Variants in CALCR observed in about 807,000 individuals in gnomAD.
CALCR encodes calcitonin receptor.
In CALCR, 47 loss-of-function variants were observed where a neutral mutation model predicts 59.5. That is an observed-to-expected ratio of 0.79 (90% CI 0.63 to 1.01). The LOEUF (loss-of-function observed/expected upper bound fraction) is 1.01, where lower values mean the gene tolerates loss of function less well. CALCR is among the 50% of genes least tolerant of loss of function. CALCR has a pLI of 0.00. For synonymous variants in CALCR, 213 were observed against 211.3 expected, an observed-to-expected ratio of 1.01 and a Z score of -0.07; for missense variants, 566 against 597.1, an observed-to-expected ratio of 0.95 and a Z score of 0.54.
chr7:93,527,454 C>T (rs946674311), intron 2 of CALCR, among the ~76,000 whole-genome samples: 2 of 151,934 alleles, frequency 1.3e-5, no homozygotes, highest in Admixed American at 6.6e-5. Context: ...TAATTACTTC[C>T]GTACTATAAT....
rs148707949 is a variant in CALCR, at chr7:93,436,139, C to T, written c.962G>A (p.Arg321Gln). ...VNFFFLLNIV[R>Q]VLVTKMRETH... Reference sequence around the variant, plus strand: ...TTCCCTCATTTTGGTCACAAGCACCCGGACAATGTTGAGCAAAAAGAAGAA... The same window carrying T: ...TTCCCTCATTTTGGTCACAAGCACCTGGACAATGTTGAGCAAAAAGAAGAA... The change falls in exon 12 of 14, where the codon CGG becomes CAG. Residue 321 changes from arginine to glutamine, a missense_variant. Transcript: ENST00000426151. 2.5e-4 allele frequency: 408 copies of T among 1,613,920 alleles called. No homozygotes were observed. Among genetic ancestry groups the T allele is most frequent in the Non-Finnish European group, 3.2e-4 (374 of 1,179,954 alleles).
intron 13 of CALCR, 80 bp downstream of exon 13, chr7:93,434,173 G>T: frequency 1.0e-6 from 1 of 972,654 alleles, no homozygotes; most frequent in Non-Finnish European, 1.7e-6. Context: ...GAGATGAAAT[G>T]AAATTTGTAC....
At chr7:93,563,037 T>C (rs1018341906) in intron 2 of CALCR, among the ~76,000 whole-genome samples, 1 of 152,080 alleles carries the variant, frequency 6.6e-6, no homozygotes, top group Non-Finnish European at 1.5e-5. Context: ...TAAATAAAAG[T>C]CACTTGCAAA....
At chr7:93,572,448 C>T (rs1056477678) in intron 2 of CALCR, among the ~76,000 whole-genome samples, 3 of 152,004 alleles carry the variant, frequency 2.0e-5, no homozygotes, top group Non-Finnish European at 2.9e-5. Context: ...GCTGAGCATC[C>T]GTATTTTTTG....
intron 2 of CALCR, among the ~76,000 whole-genome samples, chr7:93,540,439 G>A (rs918109653): frequency 6.6e-6 from 1 of 151,982 alleles, no homozygotes; most frequent in Non-Finnish European, 1.5e-5. Context: ...CCAATAAAAT[G>A]TTTACATTTA....
chr7:93,463,021 G>T (rs1170438789), intron 7 of CALCR, among the ~76,000 whole-genome samples: 1 of 151,716 alleles, frequency 6.6e-6, no homozygotes, highest in East Asian at 1.9e-4. Flanking sequence ...ATTTAAAAAT[G>T]TATTTAAGAA....
chr7:93,460,312 T>C (rs1278893136), intron 8 of CALCR, among the ~76,000 whole-genome samples: 1 of 151,858 alleles, frequency 6.6e-6, no homozygotes, highest in African/African-American at 2.4e-5. Context: ...TCCCAGCATT[T>C]TGGGAGGCCG....
chr7:93,558,619 G>A (rs1484575700), intron 2 of CALCR, among the ~76,000 whole-genome samples: 5 of 151,622 alleles, frequency 3.3e-5, no homozygotes, highest in Admixed American at 6.6e-5. Flanking sequence ...TCATTTAACT[G>A]GAATAAAAAA....
At chr7:93,500,371 G>C (rs1214409887) in intron 2 of CALCR, among the ~76,000 whole-genome samples, 2 of 151,842 alleles carry the variant, frequency 1.3e-5, no homozygotes, top group Admixed American at 1.3e-4. Flanking sequence ...AAAGTGCTTA[G>C]ACTTGAATAA....
chr7:93,554,765 C>G (rs2116241936), intron 2 of CALCR, among the ~76,000 whole-genome samples: 1 of 67,790 alleles, frequency 1.5e-5, no homozygotes, highest in Non-Finnish European at 2.4e-5. Flanking sequence ...AATTGCCAGG[C>G]CATGTATATA....
In CALCR at chr7:93,479,463, T is replaced by C; in HGVS notation, c.96A>G (p.Pro32=). 6.2e-7 allele frequency: 1 copy of C among 1,612,546 alleles called. No individual in the cohort carries two copies. Among genetic ancestry groups the C allele is most frequent in the Non-Finnish European group, 8.5e-7 (1 of 1,179,056 alleles). ...ILPAFSNQTY[P]TIEPKPFLYV... The stretch of plus-strand genomic sequence containing the variant: ...AAAGAAATGGCTTGGGCTCTATTGT[T>C]GGATAGGTTTGATTTGAAAAGGCAG... Residue 32 remains proline (P), a synonymous_variant, in exon 4 of 14, where the codon CCA becomes CCG. Coordinates refer to ENST00000426151, the MANE Select transcript of CALCR (RefSeq NM_001742.4).
intron 2 of CALCR, among the ~76,000 whole-genome samples, chr7:93,526,394 AG>A (rs1164943461): frequency 6.6e-6 from 1 of 152,060 alleles, no homozygotes; most frequent in Non-Finnish European, 1.5e-5. Flanking sequence ...ATAGCAAAGA[AG>A]GGGGGAAAAG....
intron 2 of CALCR, among the ~76,000 whole-genome samples, chr7:93,493,624 T>C (rs775904538): frequency 2.0e-5 from 3 of 151,414 alleles, no homozygotes; most frequent in African/African-American, 4.8e-5. Context: ...TACTCTTCTT[T>C]AGCAATTCCC....
At chr7:93,566,538 G>C (rs1040177276) in intron 2 of CALCR, among the ~76,000 whole-genome samples, 1 of 152,052 alleles carries the variant, frequency 6.6e-6, no homozygotes, top group African/African-American at 2.4e-5. Context: ...CGTCTAAGTC[G>C]CCTTCAAAAT....
At chr7:93,477,033 C>T (rs1351708799) in intron 5 of CALCR, among the ~76,000 whole-genome samples, 2 of 151,864 alleles carry the variant, frequency 1.3e-5, no homozygotes, top group African/African-American at 4.8e-5. Context: ...GAAGGAAGCA[C>T]AAAAAGCATT....
intron 2 of CALCR, among the ~76,000 whole-genome samples, chr7:93,511,054 G>A (rs1801535856): frequency 6.6e-6 from 1 of 151,352 alleles, no homozygotes; most frequent in Non-Finnish European, 1.5e-5. Flanking sequence ...GTAAAAACAT[G>A]CTTAGTGAAA....
intron 2 of CALCR, among the ~76,000 whole-genome samples, chr7:93,545,454 T>G (rs1789260501): frequency 1.3e-5 from 2 of 152,136 alleles, no homozygotes; most frequent in Non-Finnish European, 2.9e-5. Flanking sequence ...TGGTATGTCC[T>G]CATATTAGGA....
intron 2 of CALCR, among the ~76,000 whole-genome samples, chr7:93,500,150 G>T (rs369866306): frequency 6.6e-6 from 1 of 151,790 alleles, no homozygotes; most frequent in East Asian, 1.9e-4. Context: ...CTATCATAGG[G>T]TCCAACCTAG....
At chr7:93,526,252 T>C (rs1247214319) in intron 2 of CALCR, among the ~76,000 whole-genome samples, 2 of 152,154 alleles carry the variant, frequency 1.3e-5, no homozygotes, top group Non-Finnish European at 2.9e-5. Context: ...TTCTCCAAGA[T>C]GACACTGTTA....
Sources: allele counts gnomAD v4.1 joint callset (sites outside exome capture counted in the v4.1 genomes callset), GRCh38; gene constraint gnomAD v4.1.1; transcripts MANE v1.5; gene names NCBI Gene and HGNC (gene_info 2026-07-23, HGNC 2026-07-21).